The following FBLN1 variants were observed in gnomAD, a reference collection of about 807,000 sequenced individuals.
FBLN1 encodes the protein fibulin-1.
A neutral mutation model predicts 89.7 loss-of-function variants in FBLN1; 34 were observed. The observed-to-expected ratio is 0.38, with a 90% CI of 0.29 to 0.50. FBLN1 has a LOEUF of 0.50. Ranked by LOEUF, FBLN1 falls within the 20% of genes least tolerant of loss-of-function variation. The probability of loss-of-function intolerance (pLI) is 0.92; values close to 1 mark genes in which losing one functional copy is unlikely to be tolerated. For missense variants in FBLN1, 777 were observed against 988.1 expected, an observed-to-expected ratio of 0.79 and a Z score of 2.86; for synonymous variants, 393 against 391.3, an observed-to-expected ratio of 1.00 and a Z score of -0.05.
At position 45,574,339 on chromosome 22, in the gene FBLN1, G is replaced by C. The variant is rs2088975275; in HGVS notation, c.1698-172G>C. ...TCCAGTTTGCAGGAAGGGCCATGAA[G>C]CCTCCCCACAGAGCAGCCAGGCTGC... On this transcript the variant is annotated intron_variant, in intron 14 of 16. Transcript: ENST00000327858. This position sits in a 1 kb window ranked among gnomAD's most constrained non-coding sequence, Gnocchi z 4.1. 6.6e-6 allele frequency among the ~76,000 whole-genome samples: 1 copy of C among 152,196 alleles called. No homozygotes were observed. The highest frequency in any genetic ancestry group is 2.4e-5 in the African/African-American group (1 of 41,442).
intron 14 of FBLN1, among the ~76,000 whole-genome samples, chr22:45,552,366 A>G (rs932676668): frequency 2.0e-5 from 3 of 152,200 alleles, no homozygotes; most frequent in Non-Finnish European, 4.4e-5. Context: ...TGTGCTGTGC[A>G]GTAAGGGATT....
At chr22:45,554,849 T>C (rs2088758402) in intron 14 of FBLN1, among the ~76,000 whole-genome samples, 1 of 152,226 alleles carries the variant, frequency 6.6e-6, no homozygotes, top group Non-Finnish European at 1.5e-5. Flanking sequence ...CCCTGTCCCA[T>C]CTTGTGACAA....
rs1400891314 is a variant in FBLN1 at position 45,572,420 on chromosome 22, T to A, written c.1698-2091T>A. Among the ~76,000 whole-genome samples the A allele has an allele frequency of 6.6e-6, 1 of 152,222 alleles. No homozygotes were observed. The highest frequency in any genetic ancestry group is 2.4e-5 in the African/African-American group (1 of 41,450). On this transcript the variant is annotated intron_variant, in intron 14 of 16. Coordinates refer to ENST00000327858, the MANE Select transcript of FBLN1 (RefSeq NM_006486.3). This position sits in a 1 kb window ranked among gnomAD's most constrained non-coding sequence, Gnocchi z 5.8. ...CATCGGAGTGGCTTCCATCATGGGT[T>A]CATACTGATTTTTTTTTCCCCAAAA...
At chr22:45,542,380 C>G (rs2088569142) in intron 10 of FBLN1, 97 bp downstream of exon 10, 1 of 1,498,926 alleles carries the variant, frequency 6.7e-7, no homozygotes, top group Non-Finnish European at 9.2e-7. Context: ...TGATCCTCAT[C>G]TCAGATAATC....
chr22:45,531,406 G>A lies in FBLN1; in HGVS notation c.544+82G>A. On this transcript the variant is annotated intron_variant, in intron 5 of 16. Transcript: ENST00000327858. The surrounding 1 kb of genome is among the most constrained non-coding windows in gnomAD (Gnocchi z 4.9). ...AAGGTGGCTCAGGCCTGTAATCCTA[G>A]TACTTTGGGAAGCCAAGGCAGGAGG... 7.9e-7 allele frequency: 1 copy of A among 1,267,464 alleles called. No individual in the cohort carries two copies. The highest frequency in any genetic ancestry group is 1.2e-6 in the Non-Finnish European group (1 of 867,246). The allele number at this position is 1,267,464 out of a possible 1,614,324, so 78.5% of individuals were successfully genotyped here.
Position 45,533,869 on chromosome 22 carries a change from A to G in FBLN1, c.755A>G (p.Tyr252Cys), listed in dbSNP as rs771229284. 10 of 1,614,140 alleles carry G rather than the reference A, an allele frequency of 6.2e-6. No homozygotes were observed. Among genetic ancestry groups the G allele is most frequent in the Admixed American group, 3.3e-5 (2 of 60,036 alleles). Residue 252 changes from tyrosine (Y) to cysteine (C), a missense_variant, in exon 7 of 17, where the codon TAT becomes TGT. Transcript: ENST00000327858. ...CGGGACAGCAGCTGCGGGACTGGCT[A>G]TGAGCTCACAGAGGACAATAGCTGC... The part of the protein sequence containing the change: ...CQRDSSCGTG[Y>C]ELTEDNSCKD...
In FBLN1 at chr22:45,568,607, TA is replaced by T. The variant is rs1468409496; in HGVS notation, c.1698-5902del. ...CTCCTGTAGGGGAATGCTCCTTCTG[TA>T]AGGGAATGCTCCTCCTGTAAGGGAA... On this transcript the variant is annotated intron_variant, in intron 14 of 16. Transcript: ENST00000327858. Among the ~76,000 whole-genome samples, 98 of 35,662 alleles carry T rather than the reference TA, an allele frequency of 2.7e-3. 6 individuals are homozygous for T. Among genetic ancestry groups the T allele is most frequent in the East Asian group, 4.0e-3 (4 of 1,010 alleles). 23.4% of individuals were successfully genotyped at this position (35,662 alleles called of 152,430 possible). A position where few individuals can be genotyped will look rare whatever the true frequency, so the allele number is the denominator to read the frequency against.
intron 14 of FBLN1, chr22:45,558,243 A>C (rs2088813224): frequency 1.8e-6 from 1 of 546,454 alleles, no homozygotes; most frequent in African/African-American, 1.9e-5. Context: ...TGATGATGGA[A>C]TGCTGCTGTT....
At chr22:45,566,339 C>G (rs1433332048) in intron 14 of FBLN1, among the ~76,000 whole-genome samples, 2 of 152,120 alleles carry the variant, frequency 1.3e-5, no homozygotes, top group African/African-American at 2.4e-5. Context: ...CTGAGGGGTC[C>G]CGTTGCATTT....
At chr22:45,593,438 C>T (rs1032066017) in intron 16 of FBLN1, among the ~76,000 whole-genome samples, 2 of 152,158 alleles carry the variant, frequency 1.3e-5, no homozygotes, top group Non-Finnish European at 2.9e-5. Context: ...AAAAAAAGTG[C>T]TTAATTATAT....
At chr22:45,527,358 T>G (rs924083812) in intron 3 of FBLN1, among the ~76,000 whole-genome samples, 1 of 152,164 alleles carries the variant, frequency 6.6e-6, no homozygotes, top group Non-Finnish European at 1.5e-5. Context: ...TGCTTTCAAA[T>G]GCACGGTGCA....
At chr22:45,514,408 G>A (rs1420377946) in intron 1 of FBLN1, among the ~76,000 whole-genome samples, 1 of 152,200 alleles carries the variant, frequency 6.6e-6, no homozygotes, top group Non-Finnish European at 1.5e-5. Context: ...GGTAACCAGT[G>A]CTGAGTCCAC....
At chr22:45,533,013 G>C (rs570382981) in intron 5 of FBLN1, 50 bp from the exon 6 acceptor site, 1 of 1,540,648 alleles carries the variant, frequency 6.5e-7, no homozygotes, top group South Asian at 1.1e-5. Flanking sequence ...CTAGAAACCA[G>C]GCGGTGCCTG....
intron 2 of FBLN1, 106 bp from the exon 3 acceptor site, chr22:45,525,437 G>A: frequency 2.0e-6 from 2 of 982,178 alleles, no homozygotes; most frequent in Non-Finnish European, 1.6e-6. Flanking sequence ...GTCTGTGGGA[G>A]CAGGGAAGGG....
In FBLN1 at chr22:45,581,066, A is replaced by C. The variant is rs2089038182; in HGVS notation, c.1972+3958A>C. 6.6e-6 allele frequency among the ~76,000 whole-genome samples: 1 copy of C among 152,224 alleles called. No individual in the cohort carries two copies. The highest frequency in any genetic ancestry group is 2.4e-5 in the African/African-American group (1 of 41,466). Reference sequence around the variant, plus strand: ...CTTATCTGGCTCTGGATTCATTCTCAGCTCTGCAGCCTGTAATCCGGGGTG... The same window carrying C: ...CTTATCTGGCTCTGGATTCATTCTCCGCTCTGCAGCCTGTAATCCGGGGTG... On this transcript the variant is annotated intron_variant, in intron 16 of 16. Transcript: ENST00000327858. This position sits in a 1 kb window ranked among gnomAD's most constrained non-coding sequence, Gnocchi z 7.6.
chr22:45,538,992 C>T (rs2088518584), intron 8 of FBLN1, among the ~76,000 whole-genome samples: 1 of 152,052 alleles, frequency 6.6e-6, no homozygotes, highest in African/African-American at 2.4e-5. Flanking sequence ...GCTTTGAGAC[C>T]AGCATGGCTT....
chr22:45,593,207 C>T, intron 16 of FBLN1, among the ~76,000 whole-genome samples: 1 of 126,388 alleles, frequency 7.9e-6, no homozygotes, highest in African/African-American at 3.0e-5. Flanking sequence ...AATGGAGAGA[C>T]AATCAAGTGC....
At chr22:45,522,185 C>G (rs1880350911) in intron 2 of FBLN1, among the ~76,000 whole-genome samples, 1 of 152,096 alleles carries the variant, frequency 6.6e-6, no homozygotes, top group African/African-American at 2.4e-5. Context: ...GGGAGTTTCA[C>G]CATGTTGGCC....
At chr22:45,589,853 C>T (rs79885837) in intron 16 of FBLN1, among the ~76,000 whole-genome samples, 1,731 of 152,252 alleles carry the variant, frequency 0.011, 44 homozygotes, top group African/African-American at 0.04. Context: ...ACCCTCCCAT[C>T]GCCCTTTTCT....
Sources: allele counts gnomAD v4.1 joint callset (sites outside exome capture counted in the v4.1 genomes callset), GRCh38; gene constraint gnomAD v4.1.1; non-coding constraint Gnocchi (gnomAD v3.1); transcripts MANE v1.5; gene names NCBI Gene and HGNC (gene_info 2026-07-23, HGNC 2026-07-21).